The following CDH12 variants were observed in gnomAD, a reference collection of about 807,000 sequenced individuals.
CDH12 encodes cadherin 12.
A neutral mutation model predicts 74.1 loss-of-function variants in CDH12; 41 were observed. The observed-to-expected ratio is 0.55, with a 90% CI of 0.43 to 0.72. The LOEUF is 0.72. CDH12 is among the 30% of genes least tolerant of loss of function. CDH12 has a pLI of 0.00. For synonymous variants in CDH12, 399 were observed against 355.0 expected (o/e 1.12, Z -1.39); for missense variants, 945 against 977.2 (o/e 0.97, Z 0.44).
At chr5:21,939,651 A>C (rs966265888) in intron 6 of CDH12, among the ~76,000 whole-genome samples, 10 of 152,308 alleles carry the variant, frequency 6.6e-5, no homozygotes, top group African/African-American at 2.4e-4. Flanking sequence ...AGGGAGTTAT[A>C]TGAAACTGTG....
chr5:22,622,169 G>A (rs868432877), intron 1 of CDH12, among the ~76,000 whole-genome samples: 78 of 152,088 alleles, frequency 5.1e-4, no homozygotes, highest in African/African-American at 1.6e-3. Flanking sequence ...AAAATGATGA[G>A]ATGATGGACT....
chr5:22,752,154 A>G (rs1745611137), intron 1 of CDH12, among the ~76,000 whole-genome samples: 1 of 152,312 alleles, frequency 6.6e-6, no homozygotes, highest in East Asian at 1.9e-4. Context: ...GGCAGGTACA[A>G]TTAATATTGT....
chr5:21,952,209 G>C (rs1680849057), intron 6 of CDH12, among the ~76,000 whole-genome samples: 1 of 152,132 alleles, frequency 6.6e-6, no homozygotes, highest in African/African-American at 2.4e-5. Flanking sequence ...TCGCAGTTGA[G>C]AGTCCCTGGG....
chr5:21,755,752 C>T lies in CDH12; in HGVS notation c.1724G>A (p.Ser575Asn). ...GTTTGTGCTGCTCTGGACAGGGTAG[C>T]TGCTGTCTTCTATTACAACAGGGAG... The part of the protein sequence containing the change: ...YFLPVVIEDS[S>N]YPVQSSTNTM... The change falls in exon 14 of 15, where the codon AGC becomes AAC. Residue 575 changes from serine (S) to asparagine (N), a missense_variant. By Grantham distance (46) the Ser-to-Asn change is conservative. Transcript: ENST00000382254. 6.2e-7 allele frequency: 1 copy of T among 1,614,088 alleles called. No homozygotes were observed. The highest frequency in any genetic ancestry group is 2.2e-5 in the East Asian group (1 of 44,868).
chr5:21,790,696 C>T (rs1234923088), intron 10 of CDH12, among the ~76,000 whole-genome samples: 2 of 151,978 alleles, frequency 1.3e-5, no homozygotes, highest in Non-Finnish European at 2.9e-5. Context: ...GGGATAGAGT[C>T]ATGTGTATCA....
chr5:21,816,714 A>G (rs6860890), intron 9 of CDH12, among the ~76,000 whole-genome samples: 102,031 of 147,658 alleles, frequency 0.69, 36,398 homozygotes, highest in Non-Finnish European at 0.79. Flanking sequence ...TGTGATTGGT[A>G]AAGCTTCTGG....
At chr5:22,749,241 A>T (rs1457919726) in intron 1 of CDH12, among the ~76,000 whole-genome samples, 1 of 152,254 alleles carries the variant, frequency 6.6e-6, no homozygotes, top group African/African-American at 2.4e-5. Context: ...GCCCTGAAGC[A>T]AACAGGTTCA....
rs570170639 is a variant in CDH12 at position 21,969,330 on chromosome 5, A to G, written c.526+5761T>C. Among the ~76,000 whole-genome samples the G allele has an allele frequency of 1.2e-3, 181 of 152,234 alleles. 1 individual carries two copies. Among genetic ancestry groups the G allele is most frequent in the African/African-American group, 4.1e-3 (169 of 41,532 alleles). The stretch of plus-strand genomic sequence containing the variant: ...AATCATTGAGAGCCAGAGTATAGAC[A>G]GTGGTAGGTAGACTGTAGGAGAGCC... On this transcript the variant is annotated intron_variant, in intron 6 of 14. Transcript: ENST00000382254.
intron 8 of CDH12, among the ~76,000 whole-genome samples, chr5:21,837,974 T>A (rs1172131075): frequency 3.9e-5 from 6 of 152,106 alleles, no homozygotes; most frequent in Non-Finnish European, 7.3e-5. Flanking sequence ...TGTTTATGAG[T>A]GGTGACAACA....
chr5:22,707,050 C>G (rs1019832258), intron 1 of CDH12, among the ~76,000 whole-genome samples: 2 of 152,124 alleles, frequency 1.3e-5, no homozygotes, highest in Non-Finnish European at 2.9e-5. Flanking sequence ...CCCATTTGAA[C>G]TGATCAGTCA....
chr5:22,502,449 C>T (rs1033569688), intron 2 of CDH12, among the ~76,000 whole-genome samples: 58 of 151,846 alleles, frequency 3.8e-4, no homozygotes, highest in Admixed American at 3.6e-3. Context: ...TTATTAGCAG[C>T]GTGAGAACAC....
In CDH12 at chr5:21,950,977, C is replaced by G. The variant is rs1213715650; in HGVS notation, c.526+24114G>C. ...AATTTTTTTGTGTTTTTAGTAGAGA[C>G]GGGGTTTCACCGTGTTAGCTAGGAT... is the stretch of plus-strand genomic sequence containing the variant. On this transcript the variant is annotated intron_variant, in intron 6 of 14. Transcript: ENST00000382254. Among the ~76,000 whole-genome samples the G allele has an allele frequency of 4.0e-5, 6 of 151,216 alleles. No individual in the cohort carries two copies. The East Asian group carries it at 1.2e-3, about 29-fold the overall frequency.
chr5:22,308,845 C>CAT (rs1194635405), intron 3 of CDH12, among the ~76,000 whole-genome samples: 1 of 144,006 alleles, frequency 6.9e-6, no homozygotes, highest in African/African-American at 2.7e-5. Context: ...CACACACACA[C>CAT]ATACACACAG....
chr5:22,105,266 T>A (rs1032214754), intron 4 of CDH12, among the ~76,000 whole-genome samples: 4 of 149,820 alleles, frequency 2.7e-5, no homozygotes, highest in South Asian at 2.1e-4. Flanking sequence ...TAATTTTTTT[T>A]ATATTTTCAG....
At chr5:22,405,519 C>A (rs1355241261) in intron 2 of CDH12, among the ~76,000 whole-genome samples, 168 bp from the exon 3 acceptor site, 3 of 152,076 alleles carry the variant, frequency 2.0e-5, no homozygotes, top group Non-Finnish European at 4.4e-5. Flanking sequence ...AAACAAAATT[C>A]TATCAGGCCA....
At chr5:22,346,942 A>T (rs924199176) in intron 3 of CDH12, among the ~76,000 whole-genome samples, 7 of 152,220 alleles carry the variant, frequency 4.6e-5, no homozygotes, top group African/African-American at 1.7e-4. Context: ...GCTGGACTTG[A>T]GTTACCCATC....
chr5:22,611,565 A>G (rs1453037554), intron 1 of CDH12, among the ~76,000 whole-genome samples: 1 of 152,146 alleles, frequency 6.6e-6, no homozygotes, highest in Non-Finnish European at 1.5e-5. Flanking sequence ...ATGTTAGAGT[A>G]GCCTTTAGCC....
intron 1 of CDH12, among the ~76,000 whole-genome samples, chr5:22,523,992 T>A (rs917852766): frequency 3.4e-4 from 51 of 150,824 alleles, no homozygotes; most frequent in Middle Eastern, 3.4e-3. Context: ...TTTTTTTTTT[T>A]TTTTTTTGAG....
chr5:21,824,199 A>C (rs1326419337), intron 8 of CDH12, among the ~76,000 whole-genome samples: 1 of 151,998 alleles, frequency 6.6e-6, no homozygotes, highest in Non-Finnish European at 1.5e-5. Flanking sequence ...TCTCTGTCCA[A>C]ATTTTTAATT....
Sources: allele counts gnomAD v4.1 joint callset (sites outside exome capture counted in the v4.1 genomes callset), GRCh38; gene constraint gnomAD v4.1.1; transcripts MANE v1.5; gene names NCBI Gene and HGNC (gene_info 2026-07-23, HGNC 2026-07-21).